TTC17: variants seen among roughly 807,000 people sequenced by gnomAD.
TTC17 encodes tetratricopeptide repeat protein 17.
A neutral mutation model predicts 143.8 loss-of-function variants in TTC17; 58 were observed. That is an observed-to-expected ratio of 0.40 (90% CI 0.33 to 0.50). The LOEUF is 0.50. Ranked by LOEUF, TTC17 falls within the 20% of genes least tolerant of loss-of-function variation. The probability of loss-of-function intolerance (pLI) is 0.49; values close to 1 mark genes in which losing one functional copy is unlikely to be tolerated. For synonymous variants in TTC17, 501 were observed against 497.8 expected, an observed-to-expected ratio of 1.01 and a Z score of -0.09; for missense variants, 1,273 against 1,392.5, an observed-to-expected ratio of 0.91 and a Z score of 1.37.
intron 21 of TTC17, among the ~76,000 whole-genome samples, chr11:43,459,556 CAAG>C (rs985080454): frequency 2.6e-5 from 4 of 152,192 alleles, no homozygotes; most frequent in African/African-American, 9.7e-5. Context: ...CAAATTTCTT[CAAG>C]AAGTCCTCTA....
At chr11:43,475,057 G>C (rs2086706) in intron 21 of TTC17, among the ~76,000 whole-genome samples, 47,875 of 151,840 alleles carry the variant, frequency 0.32, 8,628 homozygotes, top group African/African-American at 0.49. Context: ...AGCACGCTTG[G>C]TCTTTTATTG....
chr11:43,371,032 G>T (rs999337173), intron 1 of TTC17, among the ~76,000 whole-genome samples: 1 of 151,160 alleles, frequency 6.6e-6, no homozygotes, highest in Admixed American at 6.6e-5. Flanking sequence ...GTGGGGGGGG[G>T]GGTCTTGAAC....
intron 21 of TTC17, 46 bp downstream of exon 21, chr11:43,451,311 A>T: frequency 6.4e-7 from 1 of 1,565,712 alleles, no homozygotes; most frequent in African/African-American, 1.3e-5. Context: ...CCTCCTTCTA[A>T]CTTCTTTTCT....
At chr11:43,450,604 A>G (rs899154203) in intron 20 of TTC17, among the ~76,000 whole-genome samples, 1 of 152,238 alleles carries the variant, frequency 6.6e-6, no homozygotes, top group Non-Finnish European at 1.5e-5. Flanking sequence ...CTAGCAAAGC[A>G]TATACCTAGA....
chr11:43,412,264 G>A (rs1044781790), intron 15 of TTC17, among the ~76,000 whole-genome samples: 1 of 151,976 alleles, frequency 6.6e-6, no homozygotes, highest in Non-Finnish European at 1.5e-5. Context: ...GGGGAGGATC[G>A]CTTGAGCCTA....
chr11:43,378,675 A>G (rs942471691), intron 1 of TTC17, among the ~76,000 whole-genome samples: 4 of 152,226 alleles, frequency 2.6e-5, no homozygotes, highest in African/African-American at 7.2e-5. Context: ...TAAGCCAGCT[A>G]CCAGTATATG....
chr11:43,385,708 C>CT (rs1469492467), intron 2 of TTC17: 3 of 134,268 alleles, frequency 2.2e-5, no homozygotes, highest in Admixed American at 1.6e-4. Context: ...AAGAGCTTGT[C>CT]TTTAAAAAGA....
chr11:43,383,128 C>T (rs1256802598), intron 2 of TTC17, among the ~76,000 whole-genome samples: 1 of 152,082 alleles, frequency 6.6e-6, no homozygotes, highest in Non-Finnish European at 1.5e-5. Context: ...AACTCCTGGG[C>T]TCAAGCAGTC....
Position 43,407,559 on chromosome 11 carries a change from G to C in TTC17, c.2046G>C (p.Leu682Phe). 6.2e-7 allele frequency: 1 copy of C among 1,613,768 alleles called. No individual in the cohort carries two copies. The highest frequency in any genetic ancestry group is 8.5e-7 in the Non-Finnish European group (1 of 1,179,940). The change falls in exon 15 of 24, where the codon TTG becomes TTC. Residue 682 changes from leucine (L) to phenylalanine (F), a missense_variant. Physicochemically the swap from Leu to Phe is conservative, Grantham distance 22. This residue lies in a region of TTC17 where 878 missense variants were observed against 899.8 expected (regional missense o/e 0.98). Transcript: ENST00000039989. ...CCACTAAGCTGCTACTTCAAGCTTTGGCCATCAATAGCTCTGAGGTGAGGT... is the reference window on the plus strand; with the variant it reads ...CCACTAAGCTGCTACTTCAAGCTTTCGCCATCAATAGCTCTGAGGTGAGGT... The part of the protein sequence containing the change: ...LDATKLLLQA[L>F]AINSSEPLTF...
chr11:43,432,916 A>G (rs1947191264), intron 16 of TTC17, among the ~76,000 whole-genome samples: 1 of 152,208 alleles, frequency 6.6e-6, no homozygotes, highest in Non-Finnish European at 1.5e-5. Context: ...AGATAATTCA[A>G]CTATCGCCAA....
chr11:43,379,451 A>G (rs1472264612), intron 2 of TTC17, 129 bp downstream of exon 2: 1 of 695,032 alleles, frequency 1.4e-6, no homozygotes, highest in Non-Finnish European at 2.4e-6. Context: ...GGAATATACT[A>G]CCTGCAATGT....
At chr11:43,439,538 G>C (rs1403320019) in intron 16 of TTC17, among the ~76,000 whole-genome samples, 2 of 149,884 alleles carry the variant, frequency 1.3e-5, no homozygotes, top group Non-Finnish European at 3.0e-5. Flanking sequence ...CGCAATCTCA[G>C]CTCACTGCAA....
At chr11:43,430,345 T>G (rs1947124864) in intron 16 of TTC17, among the ~76,000 whole-genome samples, 1 of 152,158 alleles carries the variant, frequency 6.6e-6, no homozygotes, top group African/African-American at 2.4e-5. Context: ...GGAGGATGGC[T>G]TGAGCCTGGA....
chr11:43,464,544 A>G (rs1370423434), intron 21 of TTC17, among the ~76,000 whole-genome samples: 1 of 152,206 alleles, frequency 6.6e-6, no homozygotes, highest in Non-Finnish European at 1.5e-5. Context: ...AAAGCTGGGA[A>G]CAGTATTTTC....
At chr11:43,469,949 A>G (rs554752017) in intron 21 of TTC17, among the ~76,000 whole-genome samples, 10 of 152,316 alleles carry the variant, frequency 6.6e-5, no homozygotes, top group African/African-American at 2.4e-4. Flanking sequence ...ACTATCCCAC[A>G]TGGAGGCTCA....
intron 21 of TTC17, among the ~76,000 whole-genome samples, chr11:43,475,307 G>A (rs1354536144): frequency 2.0e-5 from 3 of 152,060 alleles, no homozygotes; most frequent in Admixed American, 6.6e-5. Context: ...TTTCTAAGCA[G>A]CAAAGCATTC....
chr11:43,366,778 C>T (rs1433260447), intron 1 of TTC17, among the ~76,000 whole-genome samples: 1 of 152,118 alleles, frequency 6.6e-6, no homozygotes, highest in Non-Finnish European at 1.5e-5. Flanking sequence ...TATCTCGGGT[C>T]ATCCTTGAGT....
At chr11:43,486,942 A>C (rs1948391888) in intron 21 of TTC17, among the ~76,000 whole-genome samples, 1 of 151,934 alleles carries the variant, frequency 6.6e-6, no homozygotes, top group South Asian at 2.1e-4. Flanking sequence ...AGGCTGAGGT[A>C]GGAGGCTGAG....
In TTC17 at chr11:43,397,329, A is replaced by G. The variant is rs1468757620; in HGVS notation, c.774-18A>G. 5.0e-6 allele frequency: 8 copies of G among 1,600,134 alleles called. No homozygotes were observed. In the African/African-American group the frequency reaches 8.0e-5, roughly 16 times the overall value. ...AAGTGGTTCTACATAATCATGGAATATGTGCTGCTTTCCTTAGGCACAATA... is the reference window on the plus strand; with the variant it reads ...AAGTGGTTCTACATAATCATGGAATGTGTGCTGCTTTCCTTAGGCACAATA... On this transcript the variant is annotated intron_variant, in intron 6 of 23. Coordinates refer to ENST00000039989, the MANE Select transcript of TTC17 (RefSeq NM_018259.6).
Sources: gnomAD v4.1 joint callset for allele counts (sites outside exome capture counted in the v4.1 genomes callset) on GRCh38, gnomAD v4.1.1 for gene constraint, gnomAD v4.1.1 regional missense constraint, MANE v1.5 for transcripts, NCBI Gene and HGNC (gene_info 2026-07-23, HGNC 2026-07-21) for gene names.